ZNF385D: variants seen among roughly 807,000 people sequenced by gnomAD.
ZNF385D encodes the protein zinc finger protein 385D.
Under a neutral mutation model 35.8 loss-of-function variants are expected in ZNF385D, and 15 were observed. The observed-to-expected ratio is 0.42, with a 90% CI of 0.28 to 0.64. ZNF385D has a LOEUF of 0.64. ZNF385D is among the 30% of genes least tolerant of loss of function. The probability of loss-of-function intolerance (pLI) is 0.23; values close to 1 mark genes in which losing one functional copy is unlikely to be tolerated. For missense variants in ZNF385D, 474 were observed against 494.6 expected (o/e 0.96, Z 0.39); for synonymous variants, 212 against 186.8 (o/e 1.13, Z -1.10).
At chr3:21,799,727 A>G (rs867423147) in intron 3 of ZNF385D, among the ~76,000 whole-genome samples, 2 of 152,166 alleles carry the variant, frequency 1.3e-5, no homozygotes, top group South Asian at 4.1e-4. Flanking sequence ...GTTGTATTTC[A>G]CTTATTTATA....
At chr3:22,064,354 T>G (rs1699829289) in intron 3 of ZNF385D, among the ~76,000 whole-genome samples, 1 of 152,092 alleles carries the variant, frequency 6.6e-6, no homozygotes, top group Non-Finnish European at 1.5e-5. Context: ...ATGGTGATTT[T>G]GGGACAACTT....
At chr3:21,941,356 C>T (rs1345784577) in intron 3 of ZNF385D, among the ~76,000 whole-genome samples, 1 of 152,034 alleles carries the variant, frequency 6.6e-6, no homozygotes, top group Non-Finnish European at 1.5e-5. Flanking sequence ...TATGTATGCA[C>T]TAAGCTGACT....
At chr3:21,674,774 G>T (rs1430047855) in intron 1 of ZNF385D, among the ~76,000 whole-genome samples, 1 of 152,004 alleles carries the variant, frequency 6.6e-6, no homozygotes, top group Non-Finnish European at 1.5e-5. Context: ...ACTTGACTTT[G>T]TATCTGTCTC....
intron 3 of ZNF385D, among the ~76,000 whole-genome samples, chr3:21,901,328 TTCA>T (rs1296406900): frequency 6.6e-6 from 1 of 152,148 alleles, no homozygotes; most frequent in Non-Finnish European, 1.5e-5. Context: ...CAGTTGAATC[TTCA>T]TCATCATATT....
rs897563654 is a variant in ZNF385D, at chr3:21,415,837, T to C, written c.*5377A>G. ...GATTTTACTTCGTTTGACAAATACA[T>C]TTTAGCAGTTTCTACAGTCAACTTA... is the stretch of plus-strand genomic sequence containing the variant. On this transcript the variant is annotated 3_prime_UTR_variant, in exon 8 of 8. Transcript: ENST00000281523. 1 of 152,040 alleles carries C rather than the reference T, an allele frequency of 6.6e-6. No individual in the cohort carries two copies. The highest frequency in any genetic ancestry group is 1.5e-5 in the Non-Finnish European group (1 of 67,988). 9.4% of individuals were successfully genotyped at this position (152,040 alleles called of 1,614,324 possible).
chr3:21,997,870 CGCGTGTGTGT>C (rs1419601519), intron 3 of ZNF385D, among the ~76,000 whole-genome samples: 881 of 62,252 alleles, frequency 0.014, 9 homozygotes, highest in African/African-American at 0.049. Flanking sequence ...CGCGCGCGCG[CGCGTGTGTGT>C]GTGTGTGTGT....
intron 1 of ZNF385D, among the ~76,000 whole-genome samples, chr3:21,685,376 C>G (rs1173166482): frequency 6.6e-6 from 1 of 152,076 alleles, no homozygotes. Flanking sequence ...CAAAGAGAAA[C>G]AAACAGAATA....
chr3:21,928,411 A>C (rs1477598329), intron 3 of ZNF385D, among the ~76,000 whole-genome samples: 2 of 150,956 alleles, frequency 1.3e-5, no homozygotes, highest in Non-Finnish European at 3.0e-5. Context: ...GGAAAGAAGA[A>C]AGGGATGCAG....
intron 3 of ZNF385D, among the ~76,000 whole-genome samples, chr3:22,002,424 G>C (rs1603665): frequency 0.53 from 80,890 of 151,860 alleles, 23,148 homozygotes; most frequent in African/African-American, 0.75. Flanking sequence ...AAGCAAGATT[G>C]AATTGGTAGT....
At chr3:21,827,773 T>C (rs956325893) in intron 3 of ZNF385D, among the ~76,000 whole-genome samples, 4 of 152,174 alleles carry the variant, frequency 2.6e-5, no homozygotes, top group African/African-American at 7.2e-5. Flanking sequence ...TTCTGCAAAA[T>C]GTGCGTGACA....
intron 1 of ZNF385D, among the ~76,000 whole-genome samples, chr3:21,734,987 T>A (rs1479750097): frequency 6.6e-6 from 1 of 152,154 alleles, no homozygotes; most frequent in African/African-American, 2.4e-5. Context: ...CAGTGATTTA[T>A]TGCTCCAACA....
chr3:22,221,352 A>C (rs2125280231), intron 2 of ZNF385D, among the ~76,000 whole-genome samples: 1 of 152,324 alleles, frequency 6.6e-6, no homozygotes, highest in East Asian at 1.9e-4. Context: ...TTCAAAAGTT[A>C]TCAATTCATG....
chr3:21,552,112 A>G (rs2062587192), intron 3 of ZNF385D, among the ~76,000 whole-genome samples: 1 of 152,198 alleles, frequency 6.6e-6, no homozygotes, highest in African/African-American at 2.4e-5. Flanking sequence ...TTTTCTAGAA[A>G]GATTCTAGGT....
At chr3:21,591,088 C>G (rs1422208049) in intron 2 of ZNF385D, among the ~76,000 whole-genome samples, 1 of 151,988 alleles carries the variant, frequency 6.6e-6, no homozygotes, top group East Asian at 1.9e-4. Flanking sequence ...ATCCCAGCTA[C>G]TTGAGAACCT....
intron 3 of ZNF385D, among the ~76,000 whole-genome samples, chr3:22,018,270 T>A (rs147388083): frequency 6.6e-6 from 1 of 151,814 alleles, no homozygotes; most frequent in East Asian, 1.9e-4. Flanking sequence ...GAAAATAACT[T>A]GTCATTTAAA....
intron 1 of ZNF385D, among the ~76,000 whole-genome samples, chr3:21,667,467 T>C (rs967497802): frequency 7.2e-5 from 11 of 152,196 alleles, no homozygotes; most frequent in Admixed American, 4.6e-4. Context: ...CGGCCCTAAA[T>C]TACTTTCATT....
At chr3:22,363,835 T>C (rs974490805) in intron 2 of ZNF385D, among the ~76,000 whole-genome samples, 1 of 152,122 alleles carries the variant, frequency 6.6e-6, no homozygotes, top group African/African-American at 2.4e-5. Context: ...TACAGAGTAC[T>C]GCATAGATCA....
At chr3:22,289,757 G>A (rs1238932814) in intron 2 of ZNF385D, among the ~76,000 whole-genome samples, 1 of 152,088 alleles carries the variant, frequency 6.6e-6, no homozygotes, top group African/African-American at 2.4e-5. Flanking sequence ...ATAAAAGTTG[G>A]GGCACTGATG....
chr3:21,438,209 C>A (rs749855411), intron 4 of ZNF385D, among the ~76,000 whole-genome samples: 4 of 152,150 alleles, frequency 2.6e-5, no homozygotes, highest in Non-Finnish European at 4.4e-5. Context: ...ACACTCATAT[C>A]CTATCTACCC....
Sources: gnomAD v4.1 joint callset for allele counts (sites outside exome capture counted in the v4.1 genomes callset) on GRCh38, gnomAD v4.1.1 for gene constraint, MANE v1.5 for transcripts, NCBI Gene and HGNC (gene_info 2026-07-23, HGNC 2026-07-21) for gene names.